Variants in PDE4A observed in about 807,000 individuals in gnomAD.
PDE4A encodes 3',5'-cyclic-AMP phosphodiesterase 4A.
A neutral mutation model predicts 73.9 loss-of-function variants in PDE4A; 21 were observed. That is an observed-to-expected ratio of 0.28 (90% CI 0.20 to 0.41). The LOEUF (loss-of-function observed/expected upper bound fraction) is 0.41. Among genes scored for constraint, PDE4A ranks in the 10% least tolerant of loss-of-function variants. The probability of loss-of-function intolerance (pLI) is 1.00; values close to 1 mark genes in which losing one functional copy is unlikely to be tolerated. For missense variants in PDE4A, 958 were observed against 1,211.4 expected (o/e 0.79, Z 3.10); for synonymous variants, 463 against 505.4 (o/e 0.92, Z 1.13).
At chr19:10,423,191 C>T in intron 1 of PDE4A, 1 of 907,454 alleles carries the variant, frequency 1.1e-6, no homozygotes, top group Non-Finnish European at 1.3e-6. Flanking sequence ...ACAGAGTCTC[C>T]TCTGTCACCC....
At position 10,427,254 on chromosome 19, in the gene PDE4A, C is replaced by T. The variant is rs781024996; in HGVS notation, c.320+6170C>T. On this transcript the variant is annotated intron_variant, in intron 1 of 14. Coordinates refer to ENST00000380702, the MANE Select transcript of PDE4A (RefSeq NM_001111307.2). The stretch of plus-strand genomic sequence containing the variant: ...AGTGGAGGTTGCAGTGAGCCAAGAC[C>T]GTGCCAGTGCACTTCAGCCTGGGTG... Among the ~76,000 whole-genome samples the T allele has an allele frequency of 4.6e-5, 7 of 151,958 alleles. No homozygotes were observed. In the South Asian group the frequency reaches 1.0e-3, roughly 22 times the overall value.
At chr19:10,417,895 T>G (rs1382751246), upstream of PDE4A, 6 of 1,535,124 alleles carry the variant, frequency 3.9e-6, no homozygotes, top group Non-Finnish European at 5.2e-6. Flanking sequence ...GAGTGGGAGG[T>G]GGGTTGGGGA....
At chr19:10,430,860 G>C in intron 1 of PDE4A, 1 of 1,237,856 alleles carries the variant, frequency 8.1e-7, no homozygotes, top group Non-Finnish European at 1.0e-6. Flanking sequence ...GCGGCCGCGC[G>C]GCCTAGGCCG....
chr19:10,436,172 G>GA (rs1420889606), intron 1 of PDE4A, among the ~76,000 whole-genome samples: 2 of 152,004 alleles, frequency 1.3e-5, no homozygotes, highest in South Asian at 4.2e-4. Flanking sequence ...CTCTGGAGCT[G>GA]AAAAAAAATC....
At position 10,457,912 on chromosome 19, in the gene PDE4A, C is replaced by G; in HGVS notation, c.911C>G (p.Thr304Arg). ...AATGAAGTGGAGATCCCATCACCCACGATGAAGGAACGAGAAAAACAGCAA... is the reference window on the plus strand; with the variant it reads ...AATGAAGTGGAGATCCCATCACCCAGGATGAAGGAACGAGAAAAACAGCAA... ...KQNEVEIPSP[T>R]MKEREKQQAP... Residue 304 changes from threonine (T) to arginine (R), a missense_variant, in exon 8 of 15, where the codon ACG becomes AGG. Coordinates refer to ENST00000380702, the MANE Select transcript of PDE4A (RefSeq NM_001111307.2). 1 of 1,612,588 alleles carries G rather than the reference C, an allele frequency of 6.2e-7. No individual in the cohort carries two copies. The highest frequency in any genetic ancestry group is 8.5e-7 in the Non-Finnish European group (1 of 1,180,026).
chr19:10,459,432 C>T lies in PDE4A; in HGVS notation c.1134C>T (p.Asn378=), dbSNP rs2043223552. The T allele has an allele frequency of 1.2e-6, 2 of 1,614,248 alleles. No individual in the cohort carries two copies. Among genetic ancestry groups the T allele is most frequent in the Middle Eastern group, 1.6e-4 (1 of 6,062 alleles). ...AGAACCTGAACAAGTGGGGCCTGAA[C>T]ATCTTTTGCGTGTCGGATTACGCTG... is the stretch of plus-strand genomic sequence containing the variant. The part of the protein sequence containing the change: ...ELENLNKWGL[N]IFCVSDYAGG... The change falls in exon 9 of 15, where the codon AAC becomes AAT. Residue 378 remains asparagine, a synonymous_variant. Coordinates refer to ENST00000380702, the MANE Select transcript of PDE4A (RefSeq NM_001111307.2).
At chr19:10,460,857 C>T in intron 10 of PDE4A, 147 bp from the exon 11 acceptor site, 1 of 682,044 alleles carries the variant, frequency 1.5e-6, no homozygotes, top group Non-Finnish European at 2.3e-6. Flanking sequence ...GCTATGTTGC[C>T]CAGGATGGCC....
Position 10,453,411 on chromosome 19 carries a change from C to A in PDE4A, c.784-1418C>A. On this transcript the variant is annotated intron_variant, in intron 6 of 14. Coordinates refer to ENST00000380702, the MANE Select transcript of PDE4A (RefSeq NM_001111307.2). The surrounding 1 kb of genome is among the most constrained non-coding windows in gnomAD (Gnocchi z 4.6). ...GTGGGCTTGTGTGTGCAGCTGTGCA[C>A]GTGTGTGGCCTGGAGATGAAGCCTT... 1 of 1,473,336 alleles carries A rather than the reference C, an allele frequency of 6.8e-7. No homozygotes were observed. The highest frequency in any genetic ancestry group is 9.1e-7 in the Non-Finnish European group (1 of 1,098,172). The allele number at this position is 1,473,336 out of a possible 1,614,324, so 91.3% of individuals were successfully genotyped here.
Position 10,420,791 on chromosome 19 carries a change from A to C in PDE4A, c.27A>C (p.Glu9Asp). MEPPTVPSERSLSLSLPGP... is the reference protein window; with the variant it reads MEPPTVPSDRSLSLSLPGP... ...TGGAACCCCCGACCGTCCCCTCGGA[A>C]AGGAGCCTGTCTCTGTCACTGCCCG... The change falls in exon 1 of 15, where the codon GAA (glutamate) becomes GAC (aspartate). Residue 9 changes from glutamate (E) to aspartate (D), a missense_variant. This residue lies in a region of PDE4A where 145 missense variants were observed against 137.8 expected (regional missense o/e 1.05). Coordinates refer to ENST00000380702, the MANE Select transcript of PDE4A (RefSeq NM_001111307.2). The surrounding 1 kb of genome is among the most constrained non-coding windows in gnomAD (Gnocchi z 6.0). 6.3e-7 allele frequency: 1 copy of C among 1,580,264 alleles called. No homozygotes were observed. The highest frequency in any genetic ancestry group is 1.4e-5 in the African/African-American group (1 of 72,214).
chr19:10,432,006 C>T (rs2042794842), intron 1 of PDE4A, among the ~76,000 whole-genome samples: 1 of 151,868 alleles, frequency 6.6e-6, no homozygotes. Flanking sequence ...ACTCGAGTCC[C>T]GTTTCCCCGG....
chr19:10,418,778 T>C, upstream of PDE4A: 6 of 985,146 alleles, frequency 6.1e-6, no homozygotes, highest in Non-Finnish European at 7.2e-6. Context: ...CTTCCAGATC[T>C]CTAACCAACG....
chr19:10,460,766 C>A (rs1346174878), intron 10 of PDE4A, among the ~76,000 whole-genome samples: 2 of 150,164 alleles, frequency 1.3e-5, no homozygotes, highest in African/African-American at 2.5e-5. Flanking sequence ...CCACTGCATT[C>A]CAACCTGGGC....
In PDE4A at chr19:10,467,382, C is replaced by T. The variant is rs2230190; in HGVS notation, c.2422C>T (p.His808Tyr). Residue 808 changes from histidine to tyrosine, a missense_variant, in exon 15 of 15, where the codon CAC (histidine) becomes TAC (tyrosine). Coordinates refer to ENST00000380702, the MANE Select transcript of PDE4A (RefSeq NM_001111307.2). ...GGAGGAATTCGTGGTTGCTGTAAGC[C>T]ACAGCAGCCCCTCTGCCCTGGCTCT... is the stretch of plus-strand genomic sequence containing the variant. ...SREEFVVAVS[H>Y]SSPSALALQS... is the part of the protein sequence containing the mutation. 6.2e-7 allele frequency: 1 copy of T among 1,614,134 alleles called. No homozygotes were observed. The highest frequency in any genetic ancestry group is 1.7e-5 in the Admixed American group (1 of 60,018).
chr19:10,433,641 C>T (rs866894052), intron 1 of PDE4A, among the ~76,000 whole-genome samples: 17 of 152,280 alleles, frequency 1.1e-4, no homozygotes, highest in Middle Eastern at 6.8e-3. Flanking sequence ...GTGTGATGCC[C>T]GGGGGCACAC....
At chr19:10,460,198 TA>T (rs886564156) in intron 10 of PDE4A, among the ~76,000 whole-genome samples, 103 of 142,464 alleles carry the variant, frequency 7.2e-4, no homozygotes, top group Middle Eastern at 3.5e-3. Flanking sequence ...TCTTATTTCT[TA>T]AAAAAAAAAA....
chr19:10,428,357 CGA>C (rs56177515), intron 1 of PDE4A, among the ~76,000 whole-genome samples: 19,597 of 137,020 alleles, frequency 0.14, 1,303 homozygotes, highest in Middle Eastern at 0.17. Context: ...GATCCTGTCT[CGA>C]GAGAGAGAGA....
chr19:10,419,160 C>T (rs1204846699), upstream of PDE4A: 3 of 876,192 alleles, frequency 3.4e-6, no homozygotes, highest in South Asian at 1.6e-4. Context: ...AGGGGGCGCA[C>T]GGGGGCAGGG....
At chr19:10,455,773 CA>C (rs34278258) in intron 7 of PDE4A, among the ~76,000 whole-genome samples, 33,351 of 145,740 alleles carry the variant, frequency 0.23, 3,977 homozygotes, top group African/African-American at 0.28. Flanking sequence ...AAAAAATAAA[CA>C]AAAAAAAAAA....
At chr19:10,441,061 C>T (rs1410512934) in intron 1 of PDE4A, among the ~76,000 whole-genome samples, 3 of 151,844 alleles carry the variant, frequency 2.0e-5, no homozygotes, top group African/African-American at 4.8e-5. Flanking sequence ...AACAAAGTCT[C>T]CCTCTGTCGT....
Sources: allele counts gnomAD v4.1 joint callset (sites outside exome capture counted in the v4.1 genomes callset), GRCh38; gene constraint gnomAD v4.1.1; regional missense constraint gnomAD v4.1.1; non-coding constraint Gnocchi (gnomAD v3.1); transcripts MANE v1.5; gene names NCBI Gene and HGNC (gene_info 2026-07-23, HGNC 2026-07-21).